Variants in TMEM144 observed in about 807,000 individuals in gnomAD.
TMEM144 encodes transmembrane protein 144.
A neutral mutation model predicts 43.6 loss-of-function variants in TMEM144; 39 were observed. That is an observed-to-expected ratio of 0.90 (90% CI 0.69 to 1.17). TMEM144 has a LOEUF of 1.17. TMEM144 is among the 50% of genes most tolerant of loss of function. The probability of loss-of-function intolerance (pLI) is 0.00; values close to 1 mark genes in which losing one functional copy is unlikely to be tolerated. For synonymous variants in TMEM144, 154 were observed against 133.6 expected (o/e 1.15, Z -1.06); for missense variants, 417 against 411.9 (o/e 1.01, Z -0.11).
rs1736379994 is a variant in TMEM144 at position 158,254,484 on chromosome 4, A to T, written c.*957A>T. 7.0e-6 allele frequency: 1 copy of T among 143,598 alleles called. No homozygotes were observed. The highest frequency in any genetic ancestry group is 1.5e-5 in the Non-Finnish European group (1 of 66,760). The allele number at this position is 143,598 out of a possible 1,614,324, so 8.9% of individuals were successfully genotyped here. ...TAAGAAAACTGAAATTAAGCCAGGCAGGGTGGCGCACTACTATAATCCCAG... is the reference window on the plus strand; with the variant it reads ...TAAGAAAACTGAAATTAAGCCAGGCTGGGTGGCGCACTACTATAATCCCAG... On this transcript the variant is annotated 3_prime_UTR_variant, in exon 13 of 13. Transcript: ENST00000296529.
chr4:158,253,415 C>G (rs527702676), intron 12 of TMEM144, 29 bp from the exon 13 acceptor site: 2 of 1,558,016 alleles, frequency 1.3e-6, no homozygotes, highest in Admixed American at 3.4e-5. Context: ...AGGCCTTATT[C>G]ATCACTGTTA....
intron 12 of TMEM144, among the ~76,000 whole-genome samples, chr4:158,245,153 T>G (rs1735822430): frequency 6.6e-6 from 1 of 152,058 alleles, no homozygotes; most frequent in African/African-American, 2.4e-5. Flanking sequence ...TATTGCCATT[T>G]CCTTTTCAAA....
intron 6 of TMEM144, among the ~76,000 whole-genome samples, chr4:158,230,578 C>T (rs1735027300): frequency 6.6e-6 from 1 of 150,996 alleles, no homozygotes; most frequent in Non-Finnish European, 1.5e-5. Flanking sequence ...TAATATTAAC[C>T]TTACAAATAT....
intron 12 of TMEM144, among the ~76,000 whole-genome samples, chr4:158,252,815 AAAAAAAAG>A (rs1410749962): frequency 2.6e-5 from 4 of 151,712 alleles, no homozygotes; most frequent in South Asian, 2.1e-4. Context: ...CTCAAAAAAA[AAAAAAAAG>A]AAAAAAAGAA....
Position 158,237,414 on chromosome 4 carries a change from T to A in TMEM144, c.564-111T>A, listed in dbSNP as rs1271870122. ...CACAGAGCTTGAGATAAATGGATGGTTTTTGCTTGTTTGTGATTTGCCTTT... is the reference window on the plus strand; with the variant it reads ...CACAGAGCTTGAGATAAATGGATGGATTTTGCTTGTTTGTGATTTGCCTTT... On this transcript the variant is annotated intron_variant, in intron 8 of 12. Coordinates refer to ENST00000296529, the MANE Select transcript of TMEM144 (RefSeq NM_018342.5). The A allele has an allele frequency of 1.0e-5, 8 of 801,326 alleles. No individual in the cohort carries two copies. In the East Asian group the frequency reaches 1.0e-4, roughly 10 times the overall value. The allele number at this position is 801,326 out of a possible 1,614,324, so 49.6% of individuals were successfully genotyped here. A position where few individuals can be genotyped will look rare whatever the true frequency, so the allele number is the denominator to read the frequency against.
At chr4:158,237,374 G>C in intron 8 of TMEM144, 151 bp from the exon 9 acceptor site, 1 of 626,892 alleles carries the variant, frequency 1.6e-6, no homozygotes, top group East Asian at 2.7e-5. Flanking sequence ...GGGTATTTCT[G>C]TGACTTCCGC....
chr4:158,244,375 G>C (rs766544097), intron 12 of TMEM144, 26 bp downstream of exon 12: 2 of 1,593,328 alleles, frequency 1.3e-6, no homozygotes, highest in South Asian at 1.1e-5. Flanking sequence ...GGCAGACTTA[G>C]AAAATGGGAA....
intron 6 of TMEM144, among the ~76,000 whole-genome samples, chr4:158,229,653 G>T (rs1734968154): frequency 6.6e-6 from 1 of 152,170 alleles, no homozygotes; most frequent in Admixed American, 6.5e-5. Context: ...ACTAAGGGAG[G>T]CCCAGGGAGG....
intron 11 of TMEM144, among the ~76,000 whole-genome samples, chr4:158,242,237 C>T (rs1414977340): frequency 6.6e-6 from 1 of 152,142 alleles, no homozygotes; most frequent in East Asian, 1.9e-4. Flanking sequence ...ACTTTCTTAC[C>T]TTGTGCGCTT....
At chr4:158,225,211 AGTT>A (rs1734702984) in intron 6 of TMEM144, among the ~76,000 whole-genome samples, 1 of 152,170 alleles carries the variant, frequency 6.6e-6, no homozygotes, top group Non-Finnish European at 1.5e-5. Flanking sequence ...AACCCTGTCT[AGTT>A]GTTTTTTTTA....
intron 5 of TMEM144, 113 bp downstream of exon 5, chr4:158,217,533 T>A (rs1213712544): frequency 2.7e-6 from 2 of 732,832 alleles, no homozygotes; most frequent in Non-Finnish European, 2.3e-6. Flanking sequence ...AGTTTATAGC[T>A]GGTAAAACAT....
chr4:158,215,380 T>A, intron 4 of TMEM144, 67 bp downstream of exon 4: 2 of 1,550,916 alleles, frequency 1.3e-6, no homozygotes, highest in Non-Finnish European at 1.8e-6. Flanking sequence ...TCGTTCACAA[T>A]AGGAGGAAAT....
chr4:158,234,643 C>G (rs1467572504), intron 7 of TMEM144: 1 of 152,082 alleles, frequency 6.6e-6, no homozygotes, highest in Non-Finnish European at 1.5e-5. Flanking sequence ...CCTGAAACCA[C>G]AGATAGTACC....
intron 12 of TMEM144, among the ~76,000 whole-genome samples, chr4:158,247,471 G>A (rs966178954): frequency 5.3e-5 from 8 of 151,768 alleles, no homozygotes; most frequent in Non-Finnish European, 7.4e-5. Context: ...ATTTATTGGT[G>A]ACAAAAATTA....
At chr4:158,217,102 T>C (rs574832658) in intron 4 of TMEM144, among the ~76,000 whole-genome samples, 7 of 152,170 alleles carry the variant, frequency 4.6e-5, no homozygotes, top group African/African-American at 1.7e-4. Context: ...ACACTTTTCT[T>C]TGTAGACTTT....
chr4:158,231,246 T>C (rs1480508064), intron 6 of TMEM144, among the ~76,000 whole-genome samples: 1 of 152,114 alleles, frequency 6.6e-6, no homozygotes, highest in Admixed American at 6.6e-5. Context: ...AGAGGGATTC[T>C]AGTGTCCATA....
chr4:158,217,468 C>T (rs1347524733), intron 5 of TMEM144, 48 bp downstream of exon 5: 1 of 1,305,862 alleles, frequency 7.7e-7, no homozygotes, highest in East Asian at 2.3e-5. Context: ...CATCCATATT[C>T]TATGTAAAGC....
chr4:158,253,458 C>T lies in TMEM144; in HGVS notation c.969C>T (p.Tyr323=). 6.2e-7 allele frequency: 1 copy of T among 1,613,254 alleles called. No homozygotes were observed. The highest frequency in any genetic ancestry group is 1.1e-5 in the South Asian group (1 of 91,032). The change falls in exon 13 of 13, where the codon TAC becomes TAT. Residue 323 remains tyrosine, a synonymous_variant. Transcript: ENST00000296529. ...MFKEIKGLQN[Y]LLMILAFCII... ...TTCTTATTCAGGGTCTACAAAACTA[C>T]CTATTAATGATACTTGCATTTTGCA...
At chr4:158,212,243 A>G (rs1403791820) in intron 2 of TMEM144, 3 of 152,712 alleles carry the variant, frequency 2.0e-5, no homozygotes, top group African/African-American at 7.2e-5. Context: ...AAAAATGTCT[A>G]ATTCTTGGTT....
Sources: allele counts gnomAD v4.1 joint callset (sites outside exome capture counted in the v4.1 genomes callset), GRCh38; gene constraint gnomAD v4.1.1; transcripts MANE v1.5; gene names NCBI Gene and HGNC (gene_info 2026-07-23, HGNC 2026-07-21).